Variants in GABRA5 observed in about 807,000 individuals in gnomAD.
GABRA5 encodes the protein gamma-aminobutyric acid receptor subunit alpha-5.
In GABRA5, 18 loss-of-function variants were observed where a neutral mutation model predicts 47.3. The observed-to-expected ratio is 0.38, with a 90% confidence interval of 0.26 to 0.56. The LOEUF (loss-of-function observed/expected upper bound fraction) is 0.56. GABRA5 is among the 20% of genes least tolerant of loss of function. GABRA5 has a pLI of 0.71. For missense variants in GABRA5, 365 were observed against 599.3 expected (o/e 0.61, Z 4.08); for synonymous variants, 237 against 229.3 (o/e 1.03, Z -0.30).
At chr15:26,945,744 C>T (rs142044163) in intron 10 of GABRA5, among the ~76,000 whole-genome samples, 92 of 152,304 alleles carry the variant, frequency 6.0e-4, no homozygotes, top group Admixed American at 1.2e-3. Flanking sequence ...AAGGCGGATT[C>T]CAGGGCGCGT....
chr15:26,899,723 G>C (rs1893281793), intron 6 of GABRA5, among the ~76,000 whole-genome samples: 1 of 152,044 alleles, frequency 6.6e-6, no homozygotes, highest in South Asian at 2.1e-4. Context: ...GTTCTCTTTG[G>C]TTTTGATGTC....
intron 6 of GABRA5, among the ~76,000 whole-genome samples, chr15:26,902,589 C>T (rs958019867): frequency 4.6e-5 from 7 of 152,018 alleles, no homozygotes; most frequent in Admixed American, 6.6e-5. Flanking sequence ...TGTGCTCAAG[C>T]GCAATTTTGT....
intron 6 of GABRA5, among the ~76,000 whole-genome samples, chr15:26,896,125 T>C (rs1566871917): frequency 1.3e-5 from 2 of 152,180 alleles, no homozygotes; most frequent in African/African-American, 2.4e-5. Context: ...TACAGAGTCT[T>C]CGATGATTTG....
chr15:26,902,349 A>G (rs1463445253), intron 6 of GABRA5, among the ~76,000 whole-genome samples: 3 of 152,062 alleles, frequency 2.0e-5, no homozygotes, highest in African/African-American at 7.2e-5. Context: ...TAAATATTAT[A>G]TACTAATTTT....
intron 8 of GABRA5, among the ~76,000 whole-genome samples, chr15:26,937,725 C>T (rs182340009): frequency 6.6e-6 from 1 of 152,380 alleles, no homozygotes; most frequent in Admixed American, 6.5e-5. Context: ...AGGCAGCCTA[C>T]AGAGAAGAGC....
chr15:26,895,608 C>T (rs1191901346), intron 6 of GABRA5, among the ~76,000 whole-genome samples: 1 of 151,802 alleles, frequency 6.6e-6, no homozygotes, highest in Admixed American at 6.6e-5. Context: ...GTCAGGAGAT[C>T]GACACCATCC....
chr15:26,906,046 A>T (rs1435152287), intron 6 of GABRA5, among the ~76,000 whole-genome samples: 1 of 151,060 alleles, frequency 6.6e-6, no homozygotes, highest in African/African-American at 2.4e-5. Context: ...GATGTATTTT[A>T]TTTTTTTCTT....
At chr15:26,910,548 C>G (rs963262842) in intron 6 of GABRA5, among the ~76,000 whole-genome samples, 4 of 150,478 alleles carry the variant, frequency 2.7e-5, no homozygotes, top group African/African-American at 9.8e-5. Context: ...TGCAGTGAGC[C>G]AAGATCATGC....
intron 7 of GABRA5, among the ~76,000 whole-genome samples, chr15:26,917,248 T>C (rs1486816960): frequency 1.3e-5 from 2 of 152,124 alleles, no homozygotes; most frequent in Non-Finnish European, 2.9e-5. Context: ...GGTAATTTTC[T>C]TCTATTCCTT....
chr15:26,941,814 C>G (rs1894391721), intron 9 of GABRA5, among the ~76,000 whole-genome samples: 1 of 152,206 alleles, frequency 6.6e-6, no homozygotes, highest in South Asian at 2.1e-4. Flanking sequence ...TCCCTGTGTG[C>G]ATGTCTGTCT....
At position 26,867,597 on chromosome 15, in the gene GABRA5, C is replaced by G. The variant is rs185514208; in HGVS notation, c.-140+486C>G. Reference sequence around the variant, plus strand: ...GCGACTGCGGGGCTGAAGCCGGGCGCGGGAGAGAGCGGGGTCCGGGCGGCT... The same window carrying G: ...GCGACTGCGGGGCTGAAGCCGGGCGGGGGAGAGAGCGGGGTCCGGGCGGCT... On this transcript the variant is annotated intron_variant, in intron 1 of 10. Transcript: ENST00000335625. This position sits in a 1 kb window ranked among gnomAD's most constrained non-coding sequence, Gnocchi z 5.9. 0.037 allele frequency among the ~76,000 whole-genome samples: 5,675 copies of G among 151,960 alleles called. 151 individuals are homozygous for G. The highest frequency in any genetic ancestry group is 0.053 in the Non-Finnish European group (3,574 of 67,914).
At chr15:26,914,504 AG>A (rs1447661127) in intron 6 of GABRA5, among the ~76,000 whole-genome samples, 3 of 152,232 alleles carry the variant, frequency 2.0e-5, no homozygotes, top group African/African-American at 7.2e-5. Flanking sequence ...AATAAGGGAT[AG>A]GAAACAAAGA....
intron 7 of GABRA5, among the ~76,000 whole-genome samples, chr15:26,918,105 G>C (rs937864495): frequency 1.3e-5 from 2 of 151,454 alleles, no homozygotes; most frequent in Admixed American, 6.6e-5. Flanking sequence ...ACTAGTTTGT[G>C]CTTCTTTTTC....
chr15:26,924,472 C>A (rs1893911884), intron 7 of GABRA5, among the ~76,000 whole-genome samples: 2 of 152,134 alleles, frequency 1.3e-5, no homozygotes, highest in African/African-American at 4.8e-5. Context: ...ACATGACTCC[C>A]ATAAAGAGCA....
At position 26,937,333 on chromosome 15, in the gene GABRA5, G is replaced by A. The variant is rs1347231081; in HGVS notation, c.724+5G>A. The A allele has an allele frequency of 1.9e-6, 3 of 1,604,540 alleles. No homozygotes were observed. Among genetic ancestry groups the A allele is most frequent in the East Asian group, 4.5e-5 (2 of 44,754 alleles). ...AGAACATCAGCACCAGCACAGGTGA[G>A]GGCTCGGCACGCGCTGTGCTGCCAG... On this transcript the variant is annotated splice_donor_5th_base_variant and intron_variant, in intron 8 of 10. Transcript: ENST00000335625.
chr15:26,908,129 T>A (rs1566876089), intron 6 of GABRA5, among the ~76,000 whole-genome samples: 1 of 152,230 alleles, frequency 6.6e-6, no homozygotes, highest in Non-Finnish European at 1.5e-5. Flanking sequence ...CTTGTATGCA[T>A]GCATATGTAT....
chr15:26,868,539 C>T (rs560032558), intron 1 of GABRA5, among the ~76,000 whole-genome samples, 190 bp from the exon 2 acceptor site: 6 of 152,348 alleles, frequency 3.9e-5, no homozygotes, highest in African/African-American at 1.4e-4. Flanking sequence ...ATCTCAAATA[C>T]ATTAATTAGG....
Position 26,867,710 on chromosome 15 carries a change from A to T in GABRA5, c.-140+599A>T, listed in dbSNP as rs1892354298. 6.6e-6 allele frequency: 1 copy of T among 151,822 alleles called. No homozygotes were observed. Among genetic ancestry groups the T allele is most frequent in the East Asian group, 2.0e-4 (1 of 5,032 alleles). The allele number at this position is 151,822 out of a possible 1,614,324, so 9.4% of individuals were successfully genotyped here. ...CACCATCACGGGAGCCGGAGGGGTG[A>T]GATCGCCCACCTGGAAAGCCAGCGT... On this transcript the variant is annotated intron_variant, in intron 1 of 10. Coordinates refer to ENST00000335625, the MANE Select transcript of GABRA5 (RefSeq NM_000810.4). This position sits in a 1 kb window ranked among gnomAD's most constrained non-coding sequence, Gnocchi z 5.9.
rs1307023554 is a variant in GABRA5 at position 26,948,522 on chromosome 15, T to C, written c.*289T>C. On this transcript the variant is annotated 3_prime_UTR_variant, in exon 11 of 11. Coordinates refer to ENST00000335625, the MANE Select transcript of GABRA5 (RefSeq NM_000810.4). ...GTTGATAGTTTACAAACAAGATACG[T>C]ATATTTTTAACTGCTTCAAGTGTTA... 2 of 340,570 alleles carry C rather than the reference T, an allele frequency of 5.9e-6. No individual in the cohort carries two copies. The highest frequency in any genetic ancestry group is 1.1e-5 in the Non-Finnish European group (2 of 187,142). 21.1% of individuals were successfully genotyped at this position (340,570 alleles called of 1,614,324 possible). A position where few individuals can be genotyped will look rare whatever the true frequency, so the allele number is the denominator to read the frequency against.
Sources: gnomAD v4.1 joint callset for allele counts (sites outside exome capture counted in the v4.1 genomes callset) on GRCh38, gnomAD v4.1.1 for gene constraint, Gnocchi (gnomAD v3.1) non-coding constraint, MANE v1.5 for transcripts, NCBI Gene and HGNC (gene_info 2026-07-23, HGNC 2026-07-21) for gene names.